Variants in EPHA6 observed in about 807,000 individuals in gnomAD.
EPHA6 encodes ephrin type-A receptor 6.
A neutral mutation model predicts 112.0 loss-of-function variants in EPHA6; 50 were observed. The observed-to-expected ratio is 0.45, with a 90% CI of 0.36 to 0.56. The LOEUF is 0.56. EPHA6 is among the 20% of genes least tolerant of loss of function. The probability of loss-of-function intolerance (pLI) is 0.00; values close to 1 mark genes in which losing one functional copy is unlikely to be tolerated. For synonymous variants in EPHA6, 529 were observed against 490.7 expected (o/e 1.08, Z -1.03); for missense variants, 1,280 against 1,417.4 (o/e 0.90, Z 1.56).
chr3:97,195,143 T>C (rs1448349713), intron 3 of EPHA6, among the ~76,000 whole-genome samples: 1 of 152,050 alleles, frequency 6.6e-6, no homozygotes, highest in African/African-American at 2.4e-5. Flanking sequence ...TGTGGTCTTC[T>C]CTTTCTCCCT....
chr3:97,017,108 A>G (rs993738785), intron 3 of EPHA6, among the ~76,000 whole-genome samples: 12 of 152,340 alleles, frequency 7.9e-5, no homozygotes, highest in African/African-American at 2.9e-4. Flanking sequence ...TTTAACAACT[A>G]TCTACCCAAA....
intron 5 of EPHA6, among the ~76,000 whole-genome samples, chr3:97,324,405 T>TTTCTTTC (rs2082269089): frequency 6.7e-5 from 7 of 104,566 alleles, no homozygotes; most frequent in East Asian, 5.4e-4. Context: ...GCTTTCCTTC[T>TTTCTTTC]TTTCTTTCTT....
intron 2 of EPHA6, among the ~76,000 whole-genome samples, chr3:96,888,464 G>A (rs918032473): frequency 6.6e-6 from 1 of 152,152 alleles, no homozygotes; most frequent in African/African-American, 2.4e-5. Flanking sequence ...GAGGGTCTGT[G>A]GGTCCTCTCG....
chr3:97,053,872 G>C (rs1302735920), intron 3 of EPHA6, among the ~76,000 whole-genome samples: 2 of 151,982 alleles, frequency 1.3e-5, no homozygotes, highest in East Asian at 3.9e-4. Context: ...TCAAAGCCCT[G>C]TATCTCTATC....
At chr3:97,113,466 C>T (rs1474193428) in intron 3 of EPHA6, among the ~76,000 whole-genome samples, 1 of 152,042 alleles carries the variant, frequency 6.6e-6, no homozygotes, top group Non-Finnish European at 1.5e-5. Context: ...CTCCTTTCGT[C>T]GACAAGTCAT....
chr3:97,091,767 G>A (rs184615715), intron 3 of EPHA6, among the ~76,000 whole-genome samples: 11 of 152,218 alleles, frequency 7.2e-5, no homozygotes, highest in African/African-American at 2.2e-4. Flanking sequence ...TGTATTTATT[G>A]TAAAGGCCAT....
At chr3:97,572,125 A>G (rs189454646) in intron 11 of EPHA6, among the ~76,000 whole-genome samples, 126 of 151,040 alleles carry the variant, frequency 8.3e-4, no homozygotes, top group Non-Finnish European at 1.6e-3. Flanking sequence ...GCCAGTGTCA[A>G]CTAAAACACT....
chr3:97,749,176 T>C lies in EPHA6; in HGVS notation c.*475T>C. On this transcript the variant is annotated 3_prime_UTR_variant, in exon 18 of 18. Transcript: ENST00000389672. ...ATTATATTCAGCTCTATTGGTTGTA[T>C]TATTACTTTATTTTTTAATACTTTA... The C allele has an allele frequency of 4.4e-6, 1 of 225,878 alleles. No homozygotes were observed. Among genetic ancestry groups the C allele is most frequent in the Non-Finnish European group, 8.8e-6 (1 of 113,414 alleles). 14.0% of individuals were successfully genotyped at this position (225,878 alleles called of 1,614,324 possible). A position where few individuals can be genotyped will look rare whatever the true frequency, so the allele number is the denominator to read the frequency against.
intron 5 of EPHA6, among the ~76,000 whole-genome samples, chr3:97,400,715 T>G (rs532115616): frequency 6.6e-6 from 1 of 151,814 alleles, no homozygotes; most frequent in African/African-American, 2.4e-5. Context: ...GCCTTGTTGG[T>G]TTTTTCAGCA....
intron 5 of EPHA6, among the ~76,000 whole-genome samples, chr3:97,276,928 G>A (rs1473057498): frequency 4.6e-5 from 7 of 152,160 alleles, no homozygotes; most frequent in African/African-American, 1.4e-4. Flanking sequence ...GTCGTGGAAC[G>A]AAACTGTAAG....
intron 6 of EPHA6, among the ~76,000 whole-genome samples, chr3:97,429,509 AT>A (rs1172175251): frequency 6.6e-6 from 1 of 152,146 alleles, no homozygotes; most frequent in Non-Finnish European, 1.5e-5. Flanking sequence ...TCTTTTTTAA[AT>A]ATCACATGGT....
chr3:97,069,140 C>T (rs1057438986), intron 3 of EPHA6, among the ~76,000 whole-genome samples: 1 of 152,078 alleles, frequency 6.6e-6, no homozygotes, highest in Non-Finnish European at 1.5e-5. Context: ...ATAGCCTACT[C>T]GACCAAATGC....
chr3:97,644,228 C>A (rs1234508418), intron 14 of EPHA6, among the ~76,000 whole-genome samples: 3 of 151,738 alleles, frequency 2.0e-5, no homozygotes, highest in South Asian at 4.2e-4. Context: ...TAAAGATGTT[C>A]TTTGAAACCA....
At chr3:97,185,808 C>A (rs2077112343) in intron 3 of EPHA6, among the ~76,000 whole-genome samples, 1 of 152,056 alleles carries the variant, frequency 6.6e-6, no homozygotes. Context: ...GACTTGGAAC[C>A]AAGCCAAATG....
At chr3:97,692,177 T>C (rs564863616) in intron 14 of EPHA6, among the ~76,000 whole-genome samples, 1 of 152,334 alleles carries the variant, frequency 6.6e-6, no homozygotes, top group African/African-American at 2.4e-5. Context: ...ATAATTTGTT[T>C]TTTATTTAGA....
intron 15 of EPHA6, among the ~76,000 whole-genome samples, chr3:97,731,732 T>G (rs2035044498): frequency 6.6e-6 from 1 of 152,010 alleles, no homozygotes; most frequent in South Asian, 2.1e-4. Flanking sequence ...GCTCAGAACT[T>G]GACACATAAT....
At chr3:97,182,077 G>A (rs1217004292) in intron 3 of EPHA6, among the ~76,000 whole-genome samples, 4 of 152,078 alleles carry the variant, frequency 2.6e-5, no homozygotes, top group Non-Finnish European at 5.9e-5. Flanking sequence ...GAGAAAAGAT[G>A]AACAAACTTG....
chr3:96,824,022 C>T (rs1029373560), intron 1 of EPHA6, among the ~76,000 whole-genome samples: 3 of 151,718 alleles, frequency 2.0e-5, no homozygotes, highest in Admixed American at 2.0e-4. Context: ...TATTGTCTTA[C>T]TGTGTTATGG....
intron 2 of EPHA6, among the ~76,000 whole-genome samples, chr3:96,915,755 A>G (rs1255126399): frequency 1.3e-5 from 2 of 152,136 alleles, no homozygotes; most frequent in East Asian, 1.9e-4. Context: ...TAGAGATAGC[A>G]CATACTTACT....
Sources: allele counts gnomAD v4.1 joint callset (sites outside exome capture counted in the v4.1 genomes callset), GRCh38; gene constraint gnomAD v4.1.1; transcripts MANE v1.5; gene names NCBI Gene and HGNC (gene_info 2026-07-23, HGNC 2026-07-21).